DPP6: variants seen among roughly 807,000 people sequenced by gnomAD.
DPP6 encodes dipeptidyl peptidase like 6, also known as A-type potassium channel modulatory protein DPP6.
In DPP6, 69 loss-of-function variants were observed where a neutral mutation model predicts 122.6. That is an observed-to-expected ratio of 0.56 (90% CI 0.46 to 0.69). DPP6 has a LOEUF of 0.69. DPP6 is among the 30% of genes least tolerant of loss of function. The probability of loss-of-function intolerance (pLI) is 0.00; values close to 1 mark genes in which losing one functional copy is unlikely to be tolerated. For missense variants in DPP6, 928 were observed against 1,116.9 expected (o/e 0.83, Z 2.41); for synonymous variants, 418 against 433.1 (o/e 0.97, Z 0.43).
chr7:153,933,090 A>G (rs888578559), intron 1 of DPP6, among the ~76,000 whole-genome samples: 1 of 152,216 alleles, frequency 6.6e-6, no homozygotes, highest in Non-Finnish European at 1.5e-5. Flanking sequence ...CCTCAGCCAC[A>G]TGAAACTGTG....
intron 1 of DPP6, among the ~76,000 whole-genome samples, chr7:153,948,480 A>G (rs1053213287): frequency 6.6e-6 from 1 of 152,188 alleles, no homozygotes; most frequent in Admixed American, 6.5e-5. Context: ...GAAGTCAGGA[A>G]TCACACTGGC....
At chr7:154,329,925 G>A (rs1808769725) in intron 1 of DPP6, among the ~76,000 whole-genome samples, 1 of 152,144 alleles carries the variant, frequency 6.6e-6, no homozygotes, top group Non-Finnish European at 1.5e-5. Flanking sequence ...AACTAACACA[G>A]GAACAGAAAA....
intron 1 of DPP6, among the ~76,000 whole-genome samples, chr7:153,939,552 C>A (rs1011631348): frequency 1.7e-4 from 26 of 152,136 alleles, no homozygotes; most frequent in African/African-American, 6.3e-4. Flanking sequence ...AAAAAAAGGA[C>A]CTCACTCAGG....
chr7:154,803,880 A>G lies in DPP6; in HGVS notation c.1424A>G (p.Asp475Gly). ...GTGTTTCAGCCCAACAGCAGCAACG[A>G]CAACATCCAGTCCATCACCTCCGGG... ...VSSSQPNSSN[D>G]NIQSITSGDW... Residue 475 changes from aspartate (D) to glycine (G), a missense_variant, in exon 14 of 26, where the codon GAC (aspartate) becomes GGC (glycine). Asp to Gly is a moderately conservative substitution (Grantham distance 94). Coordinates refer to ENST00000377770, the MANE Select transcript of DPP6 (RefSeq NM_130797.4). The G allele has an allele frequency of 1.2e-6, 2 of 1,613,822 alleles. No homozygotes were observed. Among genetic ancestry groups the G allele is most frequent in the Non-Finnish European group, 1.7e-6 (2 of 1,179,782 alleles).
intron 5 of DPP6, among the ~76,000 whole-genome samples, chr7:154,617,971 G>A (rs964619974): frequency 6.6e-6 from 1 of 152,100 alleles, no homozygotes; most frequent in Non-Finnish European, 1.5e-5. Context: ...GTGACCAGTC[G>A]AGAGCTAGGC....
chr7:154,361,738 T>C (rs531923329), intron 1 of DPP6, among the ~76,000 whole-genome samples: 5 of 152,348 alleles, frequency 3.3e-5, no homozygotes, highest in South Asian at 2.1e-4. Context: ...TTGCCCATCA[T>C]TGGTAAGCCC....
chr7:153,757,816 G>A, the DPP6 span, among the ~76,000 whole-genome samples: 3 of 152,162 alleles, frequency 2.0e-5, no homozygotes, highest in Non-Finnish European at 4.4e-5. Context: ...AATTAGCCAG[G>A]CACGGTGTGG....
intron 1 of DPP6, among the ~76,000 whole-genome samples, chr7:154,391,326 C>T (rs1216465624): frequency 6.7e-6 from 1 of 148,950 alleles, no homozygotes; most frequent in African/African-American, 2.4e-5. Context: ...CCCTGTACCT[C>T]CTCCATCCCC....
chr7:154,625,128 T>C (rs1397224786), intron 5 of DPP6, among the ~76,000 whole-genome samples: 2 of 152,186 alleles, frequency 1.3e-5, no homozygotes, highest in African/African-American at 4.8e-5. Flanking sequence ...CATCCGTGAA[T>C]AATCTGACAG....
At chr7:154,377,361 A>G (rs1200284133) in intron 1 of DPP6, among the ~76,000 whole-genome samples, 1 of 152,184 alleles carries the variant, frequency 6.6e-6, no homozygotes, top group Non-Finnish European at 1.5e-5. Flanking sequence ...ACAGAGCGGT[A>G]GGAAATGGAG....
chr7:154,400,752 T>A (rs1439385775), intron 1 of DPP6, among the ~76,000 whole-genome samples: 5 of 152,248 alleles, frequency 3.3e-5, no homozygotes, highest in Admixed American at 3.3e-4. Context: ...CCATATATTT[T>A]GTAAAATTTT....
At chr7:153,842,619 A>T in the DPP6 span, among the ~76,000 whole-genome samples, 2 of 152,174 alleles carry the variant, frequency 1.3e-5, no homozygotes, top group African/African-American at 4.8e-5. Context: ...TAAATCTTCA[A>T]ACCATCTGGG....
rs181176544 is a variant in DPP6 at position 153,911,793 on chromosome 7, A to G, written c.51+24059A>G. Reference sequence around the variant, plus strand: ...TATTACTATCACCAATTCAGTTACAATGCTGTTAGGTTTTGTCACCTATTT... The same window carrying G: ...TATTACTATCACCAATTCAGTTACAGTGCTGTTAGGTTTTGTCACCTATTT... On this transcript the variant is annotated intron_variant, in intron 1 of 25. Coordinates refer to the DPP6 transcript ENST00000404039. 4.6e-5 allele frequency among the ~76,000 whole-genome samples: 7 copies of G among 152,332 alleles called. No homozygotes were observed. The East Asian group carries it at 1.3e-3, about 29-fold the overall frequency.
In DPP6 at chr7:153,921,617, C is replaced by T. The variant is rs78435021; in HGVS notation, c.51+33883C>T. Among the ~76,000 whole-genome samples, 783 of 152,324 alleles carry T rather than the reference C, an allele frequency of 5.1e-3. 9 individuals carry two copies. The highest frequency in any genetic ancestry group is 0.028 in the East Asian group (144 of 5,180). On this transcript the variant is annotated intron_variant, in intron 1 of 25. Transcript: ENST00000404039. ...CTGTAAAGAGGGAACACATTGTTCA[C>T]AGCCTAAATATACCTGACTGTTTTC... is the stretch of plus-strand genomic sequence containing the variant.
chr7:154,656,919 A>C (rs10249344), intron 6 of DPP6, among the ~76,000 whole-genome samples: 4,796 of 8,972 alleles, frequency 0.53, 1,223 homozygotes, highest in Non-Finnish European at 0.63. Flanking sequence ...GGTGGAGAGG[A>C]TGCGTGGGAG....
rs71532619 is a variant in DPP6, at chr7:154,098,435, C to T, written c.243+45372C>T. 1.8e-4 allele frequency among the ~76,000 whole-genome samples: 27 copies of T among 152,260 alleles called. No individual in the cohort carries two copies. The East Asian group carries it at 2.7e-3, about 15-fold the overall frequency. Reference sequence around the variant, plus strand: ...ACTAATACAGGTATCAAAGAATTTGCGGTCATCTTTTTTAAAATCACAAAA... The same window carrying T: ...ACTAATACAGGTATCAAAGAATTTGTGGTCATCTTTTTTAAAATCACAAAA... On this transcript the variant is annotated intron_variant, in intron 1 of 25. Transcript: ENST00000377770.
At chr7:154,585,524 T>C (rs1832380912) in intron 5 of DPP6, among the ~76,000 whole-genome samples, 1 of 152,200 alleles carries the variant, frequency 6.6e-6, no homozygotes, top group African/African-American at 2.4e-5. Context: ...TCAGCACCCC[T>C]GGGGAGTGGT....
intron 1 of DPP6, among the ~76,000 whole-genome samples, chr7:153,889,445 G>C (rs1220232643): frequency 1.3e-5 from 2 of 152,310 alleles, no homozygotes; most frequent in East Asian, 3.9e-4. Flanking sequence ...TGAGGCTGAA[G>C]TTAAGGATTG....
chr7:154,313,685 G>GTGTGTGTGTGTGTATATA lies in DPP6; in HGVS notation c.244-132528_244-132527insGTGTGTGTGTGTATATAT. Among the ~76,000 whole-genome samples the GTGTGTGTGTGTGTATATA allele has an allele frequency of 7.6e-3, 155 of 20,456 alleles. 19 individuals carry two copies. Among genetic ancestry groups the GTGTGTGTGTGTGTATATA allele is most frequent in the African/African-American group, 0.017 (133 of 7,872 alleles). The allele number at this position is 20,456 out of a possible 152,430, so 13.4% of individuals were successfully genotyped here. A position where few individuals can be genotyped will look rare whatever the true frequency, so the allele number is the denominator to read the frequency against. ...AAGCAACAAGATATTTTAAGATATG[G>GTGTGTGTGTGTGTATATA]TATATATATATATATATATATATAT... is the stretch of plus-strand genomic sequence containing the variant. On this transcript the variant is annotated intron_variant, in intron 1 of 25. Coordinates refer to ENST00000377770, the MANE Select transcript of DPP6 (RefSeq NM_130797.4).
Sources: gnomAD v4.1 joint callset for allele counts (sites outside exome capture counted in the v4.1 genomes callset) on GRCh38, gnomAD v4.1.1 for gene constraint, MANE v1.5 for transcripts, NCBI Gene and HGNC (gene_info 2026-07-23, HGNC 2026-07-21) for gene names.